Variants in ENTPD1 observed in about 807,000 individuals in gnomAD.
The protein encoded by ENTPD1 is ATP diphosphohydrolase.
A neutral mutation model predicts 57.0 loss-of-function variants in ENTPD1; 33 were observed. The observed-to-expected ratio is 0.58, with a 90% CI of 0.44 to 0.77. The LOEUF (loss-of-function observed/expected upper bound fraction) is 0.77, where lower values mean the gene tolerates loss of function less well. Among genes scored for constraint, ENTPD1 ranks in the 30% least tolerant of loss-of-function variants. The pLI, the probability that ENTPD1 is intolerant of heterozygous loss-of-function variation, is 0.00. For missense variants in ENTPD1, 501 were observed against 603.4 expected, an observed-to-expected ratio of 0.83 and a Z score of 1.78; for synonymous variants, 202 against 218.8, an observed-to-expected ratio of 0.92 and a Z score of 0.68.
intron 7 of ENTPD1, among the ~76,000 whole-genome samples, chr10:95,855,811 T>A (rs981474209): frequency 3.3e-5 from 5 of 152,376 alleles, no homozygotes; most frequent in African/African-American, 4.8e-5. Flanking sequence ...GGTCTGCTGT[T>A]AGTCTGATGG....
intron 1 of ENTPD1, among the ~76,000 whole-genome samples, chr10:95,819,371 AC>A (rs146285399): frequency 6.6e-6 from 1 of 151,134 alleles, no homozygotes; most frequent in African/African-American, 2.4e-5. Context: ...TCACCATGTT[AC>A]CCCCCAGTCT....
chr10:95,764,190 A>G (rs2098079135), intron 1 of ENTPD1, among the ~76,000 whole-genome samples: 1 of 152,206 alleles, frequency 6.6e-6, no homozygotes, highest in African/African-American at 2.4e-5. Context: ...GAGTCCTAGG[A>G]AAACACCAAT....
In ENTPD1 at chr10:95,869,161, C is replaced by A; in HGVS notation, c.*2778C>A. 1.0e-6 allele frequency: 1 copy of A among 983,408 alleles called. No individual in the cohort carries two copies. Among genetic ancestry groups the A allele is most frequent in the Non-Finnish European group, 1.2e-6 (1 of 829,602 alleles). 60.9% of individuals were successfully genotyped at this position (983,408 alleles called of 1,614,324 possible). On this transcript the variant is annotated 3_prime_UTR_variant, in exon 10 of 10. Transcript: ENST00000371205. ...CTAACCCTGTTCCTTTATGAGGAACCTTTTAAAGATTCCTTTATAAGGTGG... is the reference window on the plus strand; with the variant it reads ...CTAACCCTGTTCCTTTATGAGGAACATTTTAAAGATTCCTTTATAAGGTGG...
intron 1 of ENTPD1, among the ~76,000 whole-genome samples, chr10:95,814,655 G>T (rs2098323656): frequency 6.6e-6 from 1 of 152,118 alleles, no homozygotes; most frequent in Non-Finnish European, 1.5e-5. Context: ...AGGCTACGTT[G>T]TTAAGATAAA....
intron 1 of ENTPD1, among the ~76,000 whole-genome samples, chr10:95,787,288 A>G (rs1366043425): frequency 6.6e-6 from 1 of 152,322 alleles, no homozygotes; most frequent in East Asian, 1.9e-4. Context: ...TTTCAAACCA[A>G]AGTTTAATCT....
rs866596463 is a variant in ENTPD1, at chr10:95,823,236, G to A, written c.17-1G>A. ...TTTTTTTCTTCTGCTTTTGGTTTTA[G>A]AGTCTAACGTGAAGACATTTTGCTC... On this transcript the variant is annotated splice_acceptor_variant, in intron 1 of 9. Coordinates refer to ENST00000371205, the MANE Select transcript of ENTPD1 (RefSeq NM_001776.6). LOFTEE classifies it high-confidence loss of function. The A allele has an allele frequency of 6.2e-7, 1 of 1,613,958 alleles. No individual in the cohort carries two copies. The highest frequency in any genetic ancestry group is 8.5e-7 in the Non-Finnish European group (1 of 1,179,928).
intron 1 of ENTPD1, among the ~76,000 whole-genome samples, chr10:95,759,638 A>T (rs2098047356): frequency 6.6e-6 from 1 of 152,182 alleles, no homozygotes; most frequent in Non-Finnish European, 1.5e-5. Flanking sequence ...AACCATTTTG[A>T]CAAATATTAT....
At chr10:95,827,269 T>C (rs1243801949) in intron 2 of ENTPD1, among the ~76,000 whole-genome samples, 1 of 151,688 alleles carries the variant, frequency 6.6e-6, no homozygotes, top group Non-Finnish European at 1.5e-5. Flanking sequence ...CTGGCCAACA[T>C]AGTGAAATCC....
At chr10:95,827,146 A>T (rs867214292) in intron 2 of ENTPD1, among the ~76,000 whole-genome samples, 1 of 152,196 alleles carries the variant, frequency 6.6e-6, no homozygotes, top group South Asian at 2.1e-4. Flanking sequence ...TATTACCTCA[A>T]CATTTCATCA....
intron 2 of ENTPD1, among the ~76,000 whole-genome samples, chr10:95,837,356 C>T (rs540517400): frequency 6.6e-6 from 1 of 152,316 alleles, no homozygotes; most frequent in East Asian, 1.9e-4. Flanking sequence ...TGTGTAATTC[C>T]TGAGCCTCTT....
intron 7 of ENTPD1, among the ~76,000 whole-genome samples, chr10:95,853,288 T>G (rs1485275475): frequency 5.3e-5 from 8 of 152,360 alleles, no homozygotes; most frequent in Middle Eastern, 6.8e-3. Flanking sequence ...TTTTGTATCC[T>G]GAGACTTTGC....
intron 2 of ENTPD1, 126 bp from the exon 3 acceptor site, chr10:95,839,565 C>G (rs1387489119): frequency 5.4e-6 from 5 of 921,408 alleles, no homozygotes; most frequent in Non-Finnish European, 9.0e-6. Context: ...CCAGTGCCAT[C>G]CCCTCAATGT....
At chr10:95,721,964 C>G (rs1178379056) in intron 1 of ENTPD1, among the ~76,000 whole-genome samples, 4 of 152,174 alleles carry the variant, frequency 2.6e-5, no homozygotes, top group Non-Finnish European at 5.9e-5. Flanking sequence ...AGTTGTAGAG[C>G]TGGGCTGGGT....
At chr10:95,736,433 A>G (rs2097994798) in intron 1 of ENTPD1, among the ~76,000 whole-genome samples, 1 of 152,212 alleles carries the variant, frequency 6.6e-6, no homozygotes, top group Non-Finnish European at 1.5e-5. Flanking sequence ...TAAAATGTTT[A>G]ATATTTAATA....
intron 3 of ENTPD1, among the ~76,000 whole-genome samples, chr10:95,840,219 G>A (rs1349527341): frequency 1.3e-5 from 2 of 152,184 alleles, no homozygotes; most frequent in South Asian, 2.1e-4. Context: ...ATGGAGCTGC[G>A]GTTCAAACCA....
chr10:95,831,044 TA>T (rs2098395158), intron 2 of ENTPD1, among the ~76,000 whole-genome samples: 1 of 152,006 alleles, frequency 6.6e-6, no homozygotes, highest in South Asian at 2.1e-4. Context: ...GTCTGTGGGG[TA>T]AGGGGAGGGG....
rs533680663 is a variant in ENTPD1 at position 95,864,695 on chromosome 10, G to C, written c.1189-29G>C. Reference sequence around the variant, plus strand: ...CCACAGAGAGGTGCCTATCATACGAGTATGATCTCCCCCTCACTTCACTTC... The same window carrying C: ...CCACAGAGAGGTGCCTATCATACGACTATGATCTCCCCCTCACTTCACTTC... On this transcript the variant is annotated intron_variant, in intron 8 of 9. Transcript: ENST00000371205. 1.4e-5 allele frequency: 22 copies of C among 1,613,952 alleles called. No homozygotes were observed. In the Admixed American group the frequency reaches 3.3e-4, roughly 24 times the overall value.
At chr10:95,808,036 A>C (rs185087433) in intron 1 of ENTPD1, among the ~76,000 whole-genome samples, 19 of 152,248 alleles carry the variant, frequency 1.2e-4, no homozygotes, top group Non-Finnish European at 2.1e-4. Flanking sequence ...GCCATTTAGT[A>C]TGATGTTGGC....
Position 95,876,454 on chromosome 10 carries a change from T to C in ENTPD1, c.*10071T>C. The C allele has an allele frequency of 8.1e-7, 1 of 1,231,410 alleles. No homozygotes were observed. Among genetic ancestry groups the C allele is most frequent in the Non-Finnish European group, 1.0e-6 (1 of 987,826 alleles). 76.3% of individuals were successfully genotyped at this position (1,231,410 alleles called of 1,614,324 possible). On this transcript the variant is annotated 3_prime_UTR_variant, in exon 10 of 10. Transcript: ENST00000371205. ...GCAATCTATAGGCATACCATAATTGTAATCAATAGCTTAAAAATATGTCTC... is the reference window on the plus strand; with the variant it reads ...GCAATCTATAGGCATACCATAATTGCAATCAATAGCTTAAAAATATGTCTC...
Sources: allele counts gnomAD v4.1 joint callset (sites outside exome capture counted in the v4.1 genomes callset), GRCh38; gene constraint gnomAD v4.1.1; transcripts MANE v1.5; gene names NCBI Gene and HGNC (gene_info 2026-07-23, HGNC 2026-07-21).